PLCXD3: variants seen among roughly 807,000 people sequenced by gnomAD.
PLCXD3 encodes the protein PI-PLC X domain-containing protein 3.
In PLCXD3, 19 loss-of-function variants were observed where a neutral mutation model predicts 25.5. The observed-to-expected ratio is 0.75, with a 90% CI of 0.52 to 1.09. PLCXD3 has a LOEUF of 1.09. Ranked by LOEUF, PLCXD3 falls within the 50% of genes least tolerant of loss-of-function variation. The probability of loss-of-function intolerance (pLI) is 0.00; values close to 1 mark genes in which losing one functional copy is unlikely to be tolerated. For synonymous variants in PLCXD3, 174 were observed against 137.6 expected (o/e 1.26, Z -1.85); for missense variants, 411 against 388.1 (o/e 1.06, Z -0.50).
intron 1 of PLCXD3, among the ~76,000 whole-genome samples, chr5:41,454,843 T>G (rs1030874539): frequency 6.6e-6 from 1 of 151,930 alleles, no homozygotes; most frequent in Non-Finnish European, 1.5e-5. Context: ...CCTGCCTTCA[T>G]AGACTGGGTA....
At chr5:41,464,698 G>A (rs773525995) in intron 1 of PLCXD3, among the ~76,000 whole-genome samples, 1 of 152,034 alleles carries the variant, frequency 6.6e-6, no homozygotes, top group Non-Finnish European at 1.5e-5. Flanking sequence ...GAAGACTTAT[G>A]TCTTCTTCAT....
At chr5:41,425,267 C>A (rs1006643201) in intron 1 of PLCXD3, among the ~76,000 whole-genome samples, 6 of 151,956 alleles carry the variant, frequency 3.9e-5, no homozygotes, top group African/African-American at 1.4e-4. Context: ...CAGTGTGTCT[C>A]ATATAATATA....
intron 2 of PLCXD3, among the ~76,000 whole-genome samples, chr5:41,345,747 A>G (rs1468896979): frequency 6.6e-6 from 1 of 152,114 alleles, no homozygotes; most frequent in Non-Finnish European, 1.5e-5. Context: ...CTCTAACTTT[A>G]CAGATCCCAA....
intron 2 of PLCXD3, among the ~76,000 whole-genome samples, chr5:41,320,414 A>G (rs1217567340): frequency 3.3e-5 from 5 of 152,254 alleles, no homozygotes; most frequent in African/African-American, 1.2e-4. Context: ...CATTAGAAAG[A>G]CCATTCATCA....
At chr5:41,412,176 A>G (rs905862673) in intron 1 of PLCXD3, among the ~76,000 whole-genome samples, 3 of 152,036 alleles carry the variant, frequency 2.0e-5, no homozygotes, top group Non-Finnish European at 2.9e-5. Context: ...TTTATACTCT[A>G]TATTCTTACT....
intron 1 of PLCXD3, among the ~76,000 whole-genome samples, chr5:41,468,210 G>T (rs1198586336): frequency 6.6e-6 from 1 of 151,614 alleles, no homozygotes; most frequent in Non-Finnish European, 1.5e-5. Flanking sequence ...TAGAGACAGG[G>T]TTTTACTATG....
chr5:41,313,499 A>G lies in PLCXD3; in HGVS notation c.*118T>C. On this transcript the variant is annotated 3_prime_UTR_variant, in exon 3 of 3. Transcript: ENST00000377801. ...AGTTTTTCCCCTTTTCCCACCCACTACCAGCCCTATTCCCTTCAGAGACTC... is the reference window on the plus strand; with the variant it reads ...AGTTTTTCCCCTTTTCCCACCCACTGCCAGCCCTATTCCCTTCAGAGACTC... The G allele has an allele frequency of 8.3e-7, 1 of 1,208,436 alleles. No homozygotes were observed. Among genetic ancestry groups the G allele is most frequent in the Non-Finnish European group, 1.2e-6 (1 of 849,986 alleles). 74.9% of individuals were successfully genotyped at this position (1,208,436 alleles called of 1,614,324 possible). A position where few individuals can be genotyped will look rare whatever the true frequency, so the allele number is the denominator to read the frequency against.
intron 1 of PLCXD3, among the ~76,000 whole-genome samples, chr5:41,390,739 C>A (rs1164540909): frequency 6.6e-6 from 1 of 152,082 alleles, no homozygotes; most frequent in Non-Finnish European, 1.5e-5. Context: ...ACAAAAACAC[C>A]TTCATAAGGA....
chr5:41,454,544 T>C (rs1010412895), intron 1 of PLCXD3, among the ~76,000 whole-genome samples: 1 of 152,008 alleles, frequency 6.6e-6, no homozygotes, highest in Non-Finnish European at 1.5e-5. Context: ...CCCCACCTTC[T>C]AATACTTTCA....
At chr5:41,465,491 G>T (rs1213884641) in intron 1 of PLCXD3, among the ~76,000 whole-genome samples, 1 of 148,792 alleles carries the variant, frequency 6.7e-6, no homozygotes, top group Non-Finnish European at 1.5e-5. Context: ...TGAATTTAAA[G>T]CAGATGGAAG....
At chr5:41,438,726 A>C (rs1747312679) in intron 1 of PLCXD3, among the ~76,000 whole-genome samples, 1 of 152,146 alleles carries the variant, frequency 6.6e-6, no homozygotes, top group Admixed American at 6.5e-5. Context: ...CTAACATGTG[A>C]AAGTCTCTCT....
rs199647925 is a variant in PLCXD3, at chr5:41,313,607, A to G, written c.*10T>C. ...CTCCATCTTATTCATGGAAACTCCA[A>G]GTAGTGCTATCAAGTGTTGGCTTCT... On this transcript the variant is annotated 3_prime_UTR_variant, in exon 3 of 3. Transcript: ENST00000377801. 517 of 1,613,678 alleles carry G rather than the reference A, an allele frequency of 3.2e-4. No individual in the cohort carries two copies. The highest frequency in any genetic ancestry group is 3.3e-4 in the Middle Eastern group (2 of 6,058).
intron 1 of PLCXD3, among the ~76,000 whole-genome samples, chr5:41,447,249 CAGAA>C (rs756357908): frequency 6.6e-6 from 1 of 151,862 alleles, no homozygotes; most frequent in Non-Finnish European, 1.5e-5. Context: ...AATAAGTTAA[CAGAA>C]AGGCAGATAG....
intron 1 of PLCXD3, among the ~76,000 whole-genome samples, chr5:41,500,494 A>T (rs1748929295): frequency 6.6e-6 from 1 of 151,858 alleles, no homozygotes; most frequent in African/African-American, 2.4e-5. Context: ...TGAGTGACAG[A>T]TACCCTAAAA....
intron 2 of PLCXD3, 52 bp downstream of exon 2, chr5:41,381,774 A>C: frequency 6.7e-7 from 1 of 1,490,850 alleles, no homozygotes; most frequent in African/African-American, 1.5e-5. Flanking sequence ...GAGCTCTATA[A>C]ATTCAAGTTA....
At chr5:41,489,636 G>T (rs558035035) in intron 1 of PLCXD3, among the ~76,000 whole-genome samples, 60 of 151,718 alleles carry the variant, frequency 4.0e-4, no homozygotes, top group African/African-American at 1.4e-3. Context: ...TCCTTGAAGA[G>T]GTCCTTCACA....
intron 1 of PLCXD3, among the ~76,000 whole-genome samples, chr5:41,400,614 C>G (rs1422239436): frequency 2.0e-5 from 3 of 151,926 alleles, no homozygotes; most frequent in Non-Finnish European, 2.9e-5. Flanking sequence ...CATGTTCTTA[C>G]TTGTATATGA....
rs992421336 is a variant in PLCXD3 at position 41,309,892 on chromosome 5, A to G, written c.*3725T>C. ...ATATTTAAATATTTGAATTATGTTT[A>G]TATCTACTAATGTAGGAGATATTGA... On this transcript the variant is annotated 3_prime_UTR_variant, in exon 3 of 3. Transcript: ENST00000377801. 7.9e-5 allele frequency: 12 copies of G among 152,212 alleles called. No homozygotes were observed. The highest frequency in any genetic ancestry group is 3.4e-3 in the Middle Eastern group (1 of 294). The allele number at this position is 152,212 out of a possible 1,614,324, so 9.4% of individuals were successfully genotyped here. A position where few individuals can be genotyped will look rare whatever the true frequency, so the allele number is the denominator to read the frequency against.
intron 1 of PLCXD3, among the ~76,000 whole-genome samples, chr5:41,399,357 A>C (rs1219612683): frequency 2.0e-5 from 3 of 152,192 alleles, no homozygotes. Flanking sequence ...TAAAATGTAT[A>C]TGGAACCACA....
Sources: gnomAD v4.1 joint callset for allele counts (sites outside exome capture counted in the v4.1 genomes callset) on GRCh38, gnomAD v4.1.1 for gene constraint, MANE v1.5 for transcripts, NCBI Gene and HGNC (gene_info 2026-07-23, HGNC 2026-07-21) for gene names.